Variants in OSBPL6 observed in about 807,000 individuals in gnomAD.
The protein encoded by OSBPL6 is oxysterol-binding protein-related protein 6.
OSBPL6 carries 49 observed loss-of-function variants against 125.8 expected under a neutral mutation model. That is an observed-to-expected ratio of 0.39 (90% CI 0.31 to 0.49). OSBPL6 has a LOEUF of 0.49. Among genes scored for constraint, OSBPL6 ranks in the 20% least tolerant of loss-of-function variants. The pLI, the probability that OSBPL6 is intolerant of heterozygous loss-of-function variation, is 0.88. For missense variants in OSBPL6, 986 were observed against 1,135.4 expected (o/e 0.87, Z 1.89); for synonymous variants, 394 against 391.8 (o/e 1.01, Z -0.07).
intron 3 of OSBPL6, among the ~76,000 whole-genome samples, chr2:178,316,579 A>G (rs1687754832): frequency 6.6e-6 from 1 of 152,216 alleles, no homozygotes; most frequent in Non-Finnish European, 1.5e-5. Flanking sequence ...TTGTTGAGCC[A>G]TATGAAGAGT....
chr2:178,244,662 T>C (rs992316730), intron 1 of OSBPL6, among the ~76,000 whole-genome samples: 2 of 152,252 alleles, frequency 1.3e-5, no homozygotes, highest in Non-Finnish European at 2.9e-5. Flanking sequence ...TGATTCTGAA[T>C]ATCCTGGCAT....
In OSBPL6 at chr2:178,373,871, A is replaced by G. The variant is rs1255386529; in HGVS notation, c.1396-19A>G. ...ACAGGGAGAAAAGCAATTACACTGT[A>G]TGCTTCTGTCTTCTGCAGGCTGGTG... On this transcript the variant is annotated intron_variant, in intron 14 of 24. Transcript: ENST00000190611. 5 of 1,613,574 alleles carry G rather than the reference A, an allele frequency of 3.1e-6. No individual in the cohort carries two copies. Among genetic ancestry groups the G allele is most frequent in the African/African-American group, 2.7e-5 (2 of 74,928 alleles).
rs548563290 is a variant in OSBPL6, at chr2:178,249,331, A to G, written c.-350-35596A>G. Among the ~76,000 whole-genome samples the G allele has an allele frequency of 8.5e-5, 13 of 152,304 alleles. No individual in the cohort carries two copies. In the East Asian group the frequency reaches 1.9e-3, roughly 23 times the overall value. On this transcript the variant is annotated intron_variant, in intron 1 of 24. Coordinates refer to ENST00000190611, the MANE Select transcript of OSBPL6 (RefSeq NM_032523.4). ...ACCTAGAAAATGTGAACTTTTTCCA[A>G]TTGATCATCTATGTATGGCACGGTG... is the stretch of plus-strand genomic sequence containing the variant.
Position 178,211,089 on chromosome 2 carries a change from T to C in OSBPL6, c.-351+16415T>C, listed in dbSNP as rs139413728. ...AAGTTCAAGACCAGCCTGGGCAACA[T>C]AGCAAGACCCTGTCTCTAAAAAAAT... On this transcript the variant is annotated intron_variant, in intron 1 of 24. Coordinates refer to ENST00000190611, the MANE Select transcript of OSBPL6 (RefSeq NM_032523.4). 1.4e-3 allele frequency among the ~76,000 whole-genome samples: 218 copies of C among 152,168 alleles called. 3 individuals are homozygous for C. Among genetic ancestry groups the C allele is most frequent in the African/African-American group, 5.1e-3 (212 of 41,530 alleles).
In OSBPL6 at chr2:178,396,281, T is replaced by A. The variant is rs987319333; in HGVS notation, c.*722T>A. 1.3e-5 allele frequency: 2 copies of A among 155,990 alleles called. No individual in the cohort carries two copies. The highest frequency in any genetic ancestry group is 2.9e-5 in the Non-Finnish European group (2 of 70,086). The allele number at this position is 155,990 out of a possible 1,614,324, so 9.7% of individuals were successfully genotyped here. The stretch of plus-strand genomic sequence containing the variant: ...GTGAACAACACGTGCTTTACTCTGA[T>A]AAGTCAGTTACCATATGGTATGTCT... On this transcript the variant is annotated 3_prime_UTR_variant, in exon 25 of 25. Transcript: ENST00000190611.
chr2:178,266,976 G>A (rs990118168), intron 1 of OSBPL6, among the ~76,000 whole-genome samples: 4 of 152,184 alleles, frequency 2.6e-5, no homozygotes, highest in South Asian at 2.1e-4. Context: ...TACAGATGGT[G>A]TCAGTGGGGT....
chr2:178,392,463 T>A lies in OSBPL6; in HGVS notation c.2498T>A (p.Ile833Asn). 6.2e-7 allele frequency: 1 copy of A among 1,614,142 alleles called. No individual in the cohort carries two copies. Among genetic ancestry groups the A allele is most frequent in the Non-Finnish European group, 8.5e-7 (1 of 1,180,000 alleles). Residue 833 changes from isoleucine (I) to asparagine (N), a missense_variant, in exon 23 of 25, where the codon ATT (isoleucine) becomes AAT (asparagine). Physicochemically the swap from Ile to Asn is moderately radical, Grantham distance 149 (BLOSUM62 -3). Transcript: ENST00000190611. Reference protein sequence around the residue: ...ELYYGFTRFAIELNELDPVLK... With the variant: ...ELYYGFTRFANELNELDPVLK... ...TACTATGGCTTCACAAGGTTTGCTA[T>A]TGAGCTCAATGAGTTAGATCCAGTA...
Position 178,336,409 on chromosome 2 carries a change from G to A in OSBPL6, c.766G>A (p.Glu256Lys). 6.2e-7 allele frequency: 1 copy of A among 1,614,090 alleles called. No individual in the cohort carries two copies. The highest frequency in any genetic ancestry group is 1.1e-5 in the South Asian group (1 of 91,076). Residue 256 changes from glutamate (E) to lysine (K), a missense_variant, in exon 9 of 25, where the codon GAA (glutamate) becomes AAA (lysine). Transcript: ENST00000190611. ...SKVAAWLQDS[E>K]EMDRCAEDLA... The stretch of plus-strand genomic sequence containing the variant: ...AGTGGCAGCCTGGTTACAGGACTCG[G>A]AAGAGATGGACAGGTGTGCAGAAGG...
At chr2:178,250,699 C>T (rs79488217) in intron 1 of OSBPL6, among the ~76,000 whole-genome samples, 1,824 of 152,264 alleles carry the variant, frequency 0.012, 35 homozygotes, top group African/African-American at 0.041. Flanking sequence ...TCCTCCTGGT[C>T]TCATTTTAAA....
intron 2 of OSBPL6, among the ~76,000 whole-genome samples, chr2:178,287,148 TTAAA>T (rs1559203336): frequency 6.1e-5 from 6 of 97,668 alleles, no homozygotes; most frequent in South Asian, 3.4e-4. Context: ...TCTTCTTTTT[TTAAA>T]AAAAAAAAAA....
In OSBPL6 at chr2:178,269,234, C is replaced by A. The variant is rs143299334; in HGVS notation, c.-350-15693C>A. 3.9e-5 allele frequency among the ~76,000 whole-genome samples: 6 copies of A among 152,284 alleles called. No homozygotes were observed. In the South Asian group the frequency reaches 1.2e-3, roughly 32 times the overall value. ...AGGGCATGTAGAGCTTCTGTGCCCCCCTTGGGTGTGTCACTCTTCCAGGAC... is the reference window on the plus strand; with the variant it reads ...AGGGCATGTAGAGCTTCTGTGCCCCACTTGGGTGTGTCACTCTTCCAGGAC... On this transcript the variant is annotated intron_variant, in intron 1 of 24. Coordinates refer to ENST00000190611, the MANE Select transcript of OSBPL6 (RefSeq NM_032523.4).
At chr2:178,334,292 T>C (rs12479281) in intron 8 of OSBPL6, among the ~76,000 whole-genome samples, 25,733 of 152,112 alleles carry the variant, frequency 0.17, 2,541 homozygotes, top group Admixed American at 0.31. Flanking sequence ...TCAAGAACGT[T>C]CCAATGAAGA....
At chr2:178,322,347 T>C (rs1376493658) in intron 3 of OSBPL6, among the ~76,000 whole-genome samples, 2 of 152,150 alleles carry the variant, frequency 1.3e-5, no homozygotes, top group Non-Finnish European at 2.9e-5. Flanking sequence ...AGATCAGAGA[T>C]ACCTGACTGG....
rs770634335 is a variant in OSBPL6 at position 178,389,135 on chromosome 2, C to T, written c.2283C>T (p.Cys761=). ...IRNTKSSVCI[C]KLTFVKVNYW... ...ATACCAAAAGCAGTGTTTGCATTTG[C>T]AAACTCACATTTGTCAAGGTAAATA... Residue 761 remains cysteine, a synonymous_variant, in exon 21 of 25, where the codon TGC becomes TGT. Transcript: ENST00000190611. 6.2e-7 allele frequency: 1 copy of T among 1,613,578 alleles called. No individual in the cohort carries two copies. Among genetic ancestry groups the T allele is most frequent in the East Asian group, 2.2e-5 (1 of 44,830 alleles).
chr2:178,379,351 GGA>G (rs1559314853), intron 15 of OSBPL6, among the ~76,000 whole-genome samples: 2 of 129,572 alleles, frequency 1.5e-5, no homozygotes, highest in African/African-American at 2.9e-5. Context: ...AGGGAGGGAG[GGA>G]GGGGAAGGAA....
At chr2:178,254,583 T>G (rs573773996) in intron 1 of OSBPL6, among the ~76,000 whole-genome samples, 30 of 152,326 alleles carry the variant, frequency 2.0e-4, no homozygotes, top group African/African-American at 7.2e-4. Flanking sequence ...GACATTCAAA[T>G]TTAGCTAGAT....
intron 1 of OSBPL6, among the ~76,000 whole-genome samples, chr2:178,205,129 G>A (rs1052040527): frequency 6.6e-6 from 1 of 152,162 alleles, no homozygotes; most frequent in African/African-American, 2.4e-5. Flanking sequence ...CCAGTTTCCT[G>A]TAGCTCCAAA....
intron 1 of OSBPL6, among the ~76,000 whole-genome samples, chr2:178,262,108 T>G (rs1378350841): frequency 1.3e-5 from 2 of 152,164 alleles, no homozygotes; most frequent in African/African-American, 4.8e-5. Flanking sequence ...AGAGTTTATA[T>G]CTAAGGCAAA....
chr2:178,363,269 C>T (rs767342170), intron 13 of OSBPL6, among the ~76,000 whole-genome samples: 1 of 151,986 alleles, frequency 6.6e-6, no homozygotes, highest in Non-Finnish European at 1.5e-5. Context: ...GATCTCGGGT[C>T]GGGCTTCAGG....
Sources: allele counts gnomAD v4.1 joint callset (sites outside exome capture counted in the v4.1 genomes callset), GRCh38; gene constraint gnomAD v4.1.1; transcripts MANE v1.5; gene names NCBI Gene and HGNC (gene_info 2026-07-23, HGNC 2026-07-21).